The following NAV2 variants were observed in gnomAD, a reference collection of about 807,000 sequenced individuals.
NAV2 encodes the protein helicase, APC down-regulated 1.
Under a neutral mutation model 223.2 loss-of-function variants are expected in NAV2, and 54 were observed. The observed-to-expected ratio is 0.24, with a 90% CI of 0.19 to 0.30. NAV2 has a LOEUF of 0.30. NAV2 is among the 10% of genes least tolerant of loss of function. The pLI is 1.00. For synonymous variants in NAV2, 1,279 were observed against 1,239.3 expected, an observed-to-expected ratio of 1.03 and a Z score of -0.67; for missense variants, 2,806 against 3,147.5, an observed-to-expected ratio of 0.89 and a Z score of 2.60.
At chr11:19,889,785 AAGATCTCAGTCAGC>A in intron 5 of NAV2, among the ~76,000 whole-genome samples, 1 of 152,350 alleles carries the variant, frequency 6.6e-6, no homozygotes, top group Admixed American at 6.5e-5. Context: ...CCCCAAGTAT[AAGATCTCAGTCAGC>A]CACAGATACT....
intron 1 of NAV2, among the ~76,000 whole-genome samples, chr11:19,528,224 G>GA (rs2043906644): frequency 6.6e-6 from 1 of 152,222 alleles, no homozygotes; most frequent in African/African-American, 2.4e-5. Flanking sequence ...AATGGTAGCA[G>GA]AAAAGGAGGT....
rs553772350 is a variant in NAV2, at chr11:19,876,006, T to C, written c.512-3863T>C. Among the ~76,000 whole-genome samples the C allele has an allele frequency of 5.3e-5, 8 of 152,194 alleles. No individual in the cohort carries two copies. The East Asian group carries it at 1.5e-3, about 29-fold the overall frequency. On this transcript the variant is annotated intron_variant, in intron 4 of 37. Transcript: ENST00000349880. ...GAGTCGGGAAGTATCCTAGGTGCAC[T>C]CAGTTTCTTATGTATTTATTTATTT...
At chr11:19,761,376 G>C (rs1405825437) in intron 1 of NAV2, among the ~76,000 whole-genome samples, 1 of 152,156 alleles carries the variant, frequency 6.6e-6, no homozygotes, top group South Asian at 2.1e-4. Flanking sequence ...TTCAGTGAGC[G>C]ACAAGTACTA....
intron 1 of NAV2, among the ~76,000 whole-genome samples, chr11:19,428,759 A>G (rs992217086): frequency 1.3e-5 from 2 of 152,186 alleles, no homozygotes; most frequent in Non-Finnish European, 2.9e-5. Flanking sequence ...TCAGGGTGGG[A>G]AGAGAAGGGC....
At chr11:19,568,697 A>T (rs1216158772) in intron 1 of NAV2, among the ~76,000 whole-genome samples, 2 of 152,166 alleles carry the variant, frequency 1.3e-5, no homozygotes, top group Non-Finnish European at 2.9e-5. Context: ...GGGAGCAAAG[A>T]TGGTGAGCAC....
chr11:19,467,014 CACACAGAGAGAG>C (rs1292354074), intron 1 of NAV2, among the ~76,000 whole-genome samples: 3 of 139,138 alleles, frequency 2.2e-5, no homozygotes, highest in South Asian at 2.5e-4. Flanking sequence ...CACACACACA[CACACAGAGAGAG>C]AGAGAGAGAG....
intron 1 of NAV2, among the ~76,000 whole-genome samples, chr11:19,823,046 C>G (rs1199240986): frequency 6.6e-6 from 1 of 152,096 alleles, no homozygotes; most frequent in Non-Finnish European, 1.5e-5. Context: ...TGTGCTCTTA[C>G]TTTATACAGA....
At chr11:19,473,942 C>A in intron 1 of NAV2, among the ~76,000 whole-genome samples, 1 of 152,206 alleles carries the variant, frequency 6.6e-6, no homozygotes, top group Non-Finnish European at 1.5e-5. Context: ...TTTGAGACAA[C>A]TCTGAAGGGT....
At chr11:19,958,170 T>C (rs1412492308) in intron 10 of NAV2, among the ~76,000 whole-genome samples, 1 of 152,204 alleles carries the variant, frequency 6.6e-6, no homozygotes, top group Non-Finnish European at 1.5e-5. Flanking sequence ...TCCCATAGCT[T>C]TCCAAAGCAC....
chr11:19,691,230 A>G (rs577929296), intron 1 of NAV2, among the ~76,000 whole-genome samples: 3 of 148,900 alleles, frequency 2.0e-5, no homozygotes, highest in Non-Finnish European at 3.0e-5. Flanking sequence ...GTAGTTTTCA[A>G]TGTTCTAGTA....
chr11:19,673,538 T>C (rs1685844438), intron 1 of NAV2, among the ~76,000 whole-genome samples: 1 of 152,200 alleles, frequency 6.6e-6, no homozygotes, highest in Admixed American at 6.5e-5. Context: ...TGATAACAAG[T>C]TTCCTTGGCA....
intron 6 of NAV2, among the ~76,000 whole-genome samples, chr11:19,932,319 G>A (rs947277659): frequency 6.7e-6 from 1 of 150,014 alleles, no homozygotes; most frequent in Non-Finnish European, 1.5e-5. Context: ...TGTTTGCAAC[G>A]TGTTTTGGTT....
intron 11 of NAV2, among the ~76,000 whole-genome samples, chr11:20,013,214 G>A (rs992741864): frequency 4.9e-5 from 7 of 142,530 alleles, no homozygotes; most frequent in African/African-American, 1.8e-4. Context: ...ACTGGGATAT[G>A]TGAGTTTTGA....
chr11:19,865,307 A>G (rs2585786), intron 3 of NAV2, among the ~76,000 whole-genome samples: 151,441 of 152,324 alleles, frequency 0.99, 75,287 homozygotes, highest in Middle Eastern at 1. Flanking sequence ...CCCTCTTGAG[A>G]TGTGGTAGGA....
chr11:19,676,807 G>A, intron 1 of NAV2, among the ~76,000 whole-genome samples: 1 of 152,290 alleles, frequency 6.6e-6, no homozygotes, highest in African/African-American at 2.4e-5. Flanking sequence ...ATCTTCTAAG[G>A]GTTGCCTTAT....
At chr11:19,892,970 C>CT (rs535103042) in intron 6 of NAV2, among the ~76,000 whole-genome samples, 187 of 152,102 alleles carry the variant, frequency 1.2e-3, no homozygotes, top group African/African-American at 4.0e-3. Context: ...CTGTGATAAG[C>CT]TTTTTTATCC....
At chr11:19,936,081 C>A (rs1284388213) in intron 7 of NAV2, among the ~76,000 whole-genome samples, 1 of 149,792 alleles carries the variant, frequency 6.7e-6, no homozygotes, top group African/African-American at 2.5e-5. Context: ...GTTGTCCAGG[C>A]TGGTCTTGAA....
chr11:19,952,663 C>T (rs1452543898), intron 10 of NAV2, among the ~76,000 whole-genome samples: 1 of 152,062 alleles, frequency 6.6e-6, no homozygotes, highest in African/African-American at 2.4e-5. Context: ...AACCTAAGAC[C>T]TCTGTTTTTA....
chr11:19,357,557 A>C (rs1853689039), intron 1 of NAV2, among the ~76,000 whole-genome samples: 1 of 152,124 alleles, frequency 6.6e-6, no homozygotes, highest in Non-Finnish European at 1.5e-5. Flanking sequence ...CCCTTGCATT[A>C]TTTTGCAAAA....
Sources: gnomAD v4.1 joint callset for allele counts (sites outside exome capture counted in the v4.1 genomes callset) on GRCh38, gnomAD v4.1.1 for gene constraint, MANE v1.5 for transcripts, NCBI Gene and HGNC (gene_info 2026-07-23, HGNC 2026-07-21) for gene names.